PRMT8: variants seen among roughly 807,000 people sequenced by gnomAD.
The protein encoded by PRMT8 is protein arginine N-methyltransferase 8.
PRMT8 carries 7 observed loss-of-function variants against 47.1 expected under a neutral mutation model. That is an observed-to-expected ratio of 0.15 (90% CI 0.08 to 0.28). The LOEUF (loss-of-function observed/expected upper bound fraction) is 0.28. Ranked by LOEUF, PRMT8 falls within the 10% of genes least tolerant of loss-of-function variation. PRMT8 has a pLI of 1.00. For missense variants in PRMT8, 237 were observed against 505.4 expected (o/e 0.47, Z 5.09); for synonymous variants, 188 against 186.5 (o/e 1.01, Z -0.07).
Position 3,436,226 on chromosome 12 carries a change from G to A in PRMT8, c.48+54784G>A, listed in dbSNP as rs937882241. 5.3e-5 allele frequency among the ~76,000 whole-genome samples: 8 copies of A among 152,194 alleles called. No individual in the cohort carries two copies. The highest frequency in any genetic ancestry group is 2.1e-4 in the South Asian group (1 of 4,834). ...TAGGATCCAATCACACACTAAGTTCGTGTCAGTCCTGGAGAAATATTTAGT... is the reference window on the plus strand; with the variant it reads ...TAGGATCCAATCACACACTAAGTTCATGTCAGTCCTGGAGAAATATTTAGT... On this transcript the variant is annotated intron_variant, in intron 1 of 9. Transcript: ENST00000452611. The surrounding 1 kb of genome is among the most constrained non-coding windows in gnomAD (Gnocchi z 4.2).
intron 1 of PRMT8, among the ~76,000 whole-genome samples, chr12:3,457,200 CAG>C (rs992944383): frequency 1.3e-5 from 2 of 152,142 alleles, no homozygotes; most frequent in African/African-American, 4.8e-5. Context: ...GCTGGGCTCT[CAG>C]AGCTGTGGAA....
chr12:3,406,670 A>G (rs1864375534), intron 1 of PRMT8, among the ~76,000 whole-genome samples: 1 of 152,150 alleles, frequency 6.6e-6, no homozygotes, highest in Non-Finnish European at 1.5e-5. Context: ...CCTCATCTCC[A>G]TCATAGACCA....
intron 1 of PRMT8, chr12:3,463,259 G>A (rs1041486781): frequency 6.6e-6 from 1 of 152,198 alleles, no homozygotes; most frequent in African/African-American, 2.4e-5. Flanking sequence ...GTTACCCTGA[G>A]AATTTCTTTC....
intron 2 of PRMT8, among the ~76,000 whole-genome samples, chr12:3,543,764 C>G (rs1213810950): frequency 6.6e-6 from 1 of 152,162 alleles, no homozygotes; most frequent in Non-Finnish European, 1.5e-5. Context: ...AGAGGAAGAC[C>G]CTAGCCTTCC....
chr12:3,449,579 G>C (rs1450150874), intron 1 of PRMT8, among the ~76,000 whole-genome samples: 1 of 151,930 alleles, frequency 6.6e-6, no homozygotes, highest in African/African-American at 2.4e-5. Context: ...CTTTTTAATG[G>C]GGTTGTTTTT....
At chr12:3,434,432 C>T (rs776924832) in intron 1 of PRMT8, among the ~76,000 whole-genome samples, 14 of 152,220 alleles carry the variant, frequency 9.2e-5, no homozygotes, top group Admixed American at 5.2e-4. Flanking sequence ...TTCTGGGCCA[C>T]CTTTCCTCAT....
rs1275819370 is a variant in PRMT8 at position 3,550,158 on chromosome 12, C to T, written c.417+67C>T. ...CCAGCCTCTTGCCCTCTGCCTCCAC[C>T]CGCCCTTCTAGAAGTACAAAATTTG... On this transcript the variant is annotated intron_variant, in intron 3 of 9. Transcript: ENST00000382622. This position sits in a 1 kb window ranked among gnomAD's most constrained non-coding sequence, Gnocchi z 5.1. 1.1e-4 allele frequency: 181 copies of T among 1,585,378 alleles called. No individual in the cohort carries two copies. Among genetic ancestry groups the T allele is most frequent in the Non-Finnish European group, 1.4e-4 (165 of 1,160,530 alleles).
At chr12:3,533,509 C>T (rs934740041) in intron 1 of PRMT8, among the ~76,000 whole-genome samples, 1 of 152,256 alleles carries the variant, frequency 6.6e-6, no homozygotes, top group African/African-American at 2.4e-5. Context: ...GGCCCAAGAC[C>T]ATTCTTCTTC....
intron 1 of PRMT8, among the ~76,000 whole-genome samples, chr12:3,481,876 A>G (rs1865277370): frequency 6.6e-6 from 1 of 152,210 alleles, no homozygotes; most frequent in Non-Finnish European, 1.5e-5. Flanking sequence ...AGTGGCCCAG[A>G]AGCTCACAGG....
intron 8 of PRMT8, among the ~76,000 whole-genome samples, chr12:3,585,555 A>T: frequency 1.4e-5 from 2 of 143,000 alleles, no homozygotes; most frequent in African/African-American, 2.6e-5. Context: ...TTTGGTAGAG[A>T]TGGGGTCTTG....
chr12:3,445,679 C>T (rs549871527), intron 1 of PRMT8, among the ~76,000 whole-genome samples: 11 of 152,310 alleles, frequency 7.2e-5, no homozygotes, highest in East Asian at 5.8e-4. Flanking sequence ...GTTGAAGGAA[C>T]GGCTCTGCAC....
Position 3,471,308 on chromosome 12 carries a change from G to A in PRMT8, c.49-69298G>A, listed in dbSNP as rs140452769. Among the ~76,000 whole-genome samples the A allele has an allele frequency of 2.6e-3, 398 of 152,188 alleles. 1 individual carries two copies. Among genetic ancestry groups the A allele is most frequent in the Non-Finnish European group, 4.3e-3 (292 of 68,006 alleles). On this transcript the variant is annotated intron_variant, in intron 1 of 9. Coordinates refer to the PRMT8 transcript ENST00000452611. Reference sequence around the variant, plus strand: ...CTCCCAGCTCTCCCCTACTCTCTCTGCAAACCCCAGGTGCTTAGAGCCTAA... The same window carrying A: ...CTCCCAGCTCTCCCCTACTCTCTCTACAAACCCCAGGTGCTTAGAGCCTAA...
Position 3,439,125 on chromosome 12 carries a change from G to A in PRMT8, c.48+57683G>A, listed in dbSNP as rs185281237. 1.6e-3 allele frequency among the ~76,000 whole-genome samples: 243 copies of A among 152,282 alleles called. 1 individual carries two copies. Among genetic ancestry groups the A allele is most frequent in the Non-Finnish European group, 2.2e-3 (152 of 68,032 alleles). ...AATTTTATGTATCATGCATACCTTT[G>A]GATGTGTAGTTTACATTTCATTTAT... On this transcript the variant is annotated intron_variant, in intron 1 of 9. Transcript: ENST00000452611.
chr12:3,467,366 G>A (rs751014155), intron 1 of PRMT8, among the ~76,000 whole-genome samples: 7 of 151,880 alleles, frequency 4.6e-5, no homozygotes, highest in African/African-American at 7.3e-5. Flanking sequence ...GAAGAAGGTC[G>A]CACAGACACC....
chr12:3,491,384 G>A lies in PRMT8; in HGVS notation c.-242G>A. 1.6e-6 allele frequency: 2 copies of A among 1,227,886 alleles called. No homozygotes were observed. Among genetic ancestry groups the A allele is most frequent in the Non-Finnish European group, 2.0e-6 (2 of 982,482 alleles). 76.1% of individuals were successfully genotyped at this position (1,227,886 alleles called of 1,614,324 possible). A position where few individuals can be genotyped will look rare whatever the true frequency, so the allele number is the denominator to read the frequency against. Reference sequence around the variant, plus strand: ...GGAGAGGGGCGGGGAGGGGGTCGGGGGCACGAGAAGAACTTGAAACCGTGT... The same window carrying A: ...GGAGAGGGGCGGGGAGGGGGTCGGGAGCACGAGAAGAACTTGAAACCGTGT... On this transcript the variant is annotated 5_prime_UTR_variant, in exon 1 of 10. Transcript: ENST00000382622.
chr12:3,472,089 C>T (rs1223304601), intron 1 of PRMT8, among the ~76,000 whole-genome samples: 2 of 152,086 alleles, frequency 1.3e-5, no homozygotes, highest in Non-Finnish European at 2.9e-5. Context: ...CAATGGCCAT[C>T]GTACTGTTCC....
At chr12:3,506,069 G>A (rs761788542) in intron 1 of PRMT8, among the ~76,000 whole-genome samples, 45 of 152,288 alleles carry the variant, frequency 3.0e-4, no homozygotes, top group South Asian at 2.1e-4. Flanking sequence ...TTCTGTGTGG[G>A]GGTTAATTGT....
In PRMT8 at chr12:3,580,947, G is replaced by A. The variant is rs1867049989; in HGVS notation, c.829-2111G>A. 6.6e-6 allele frequency among the ~76,000 whole-genome samples: 1 copy of A among 152,180 alleles called. No individual in the cohort carries two copies. The highest frequency in any genetic ancestry group is 1.5e-5 in the Non-Finnish European group (1 of 68,030). On this transcript the variant is annotated intron_variant, in intron 7 of 9. Transcript: ENST00000382622. The surrounding 1 kb of genome is among the most constrained non-coding windows in gnomAD (Gnocchi z 4.6). ...GGGAGGGATAATGAGCATTATGAAG[G>A]CTGACATATACTCAGTCTAAAACGT...
chr12:3,444,563 C>T (rs984503232), intron 1 of PRMT8, among the ~76,000 whole-genome samples: 3 of 152,172 alleles, frequency 2.0e-5, no homozygotes, highest in South Asian at 4.1e-4. Context: ...AAATGTTGAG[C>T]GAAGGTCTTG....
Sources: allele counts gnomAD v4.1 joint callset (sites outside exome capture counted in the v4.1 genomes callset), GRCh38; gene constraint gnomAD v4.1.1; non-coding constraint Gnocchi (gnomAD v3.1); transcripts MANE v1.5; gene names NCBI Gene and HGNC (gene_info 2026-07-23, HGNC 2026-07-21).